Variants in EXT1 observed in about 807,000 individuals in gnomAD.
EXT1 encodes the protein exostosin glycosyltransferase 1.
A neutral mutation model predicts 82.5 loss-of-function variants in EXT1; 20 were observed. The observed-to-expected ratio is 0.24, with a 90% CI of 0.17 to 0.35. The LOEUF (loss-of-function observed/expected upper bound fraction) is 0.35. Ranked by LOEUF, EXT1 falls within the 10% of genes least tolerant of loss-of-function variation. EXT1 has a pLI of 1.00. For synonymous variants in EXT1, 348 were observed against 350.8 expected, an observed-to-expected ratio of 0.99 and a Z score of 0.09; for missense variants, 757 against 936.5, an observed-to-expected ratio of 0.81 and a Z score of 2.50.
chr8:117,929,486 G>A (rs947929450), intron 1 of EXT1, among the ~76,000 whole-genome samples: 1 of 152,206 alleles, frequency 6.6e-6, no homozygotes, highest in African/African-American at 2.4e-5. Context: ...AGCCAGAAAG[G>A]CAGTTATTAG....
chr8:118,041,647 A>C (rs976470900), intron 1 of EXT1, among the ~76,000 whole-genome samples: 1 of 147,588 alleles, frequency 6.8e-6, no homozygotes, highest in African/African-American at 2.5e-5. Flanking sequence ...AACAAGAAAA[A>C]GAAAGAAAGA....
intron 1 of EXT1, among the ~76,000 whole-genome samples, chr8:117,904,636 T>C (rs1462311105): frequency 2.0e-5 from 3 of 152,202 alleles, no homozygotes; most frequent in Non-Finnish European, 2.9e-5. Flanking sequence ...ATTTACCCTC[T>C]TATAACTCAA....
At chr8:117,860,282 G>T (rs1156514565) in intron 1 of EXT1, among the ~76,000 whole-genome samples, 1 of 151,872 alleles carries the variant, frequency 6.6e-6, no homozygotes, top group Non-Finnish European at 1.5e-5. Flanking sequence ...TTCTCACTCA[G>T]AAGTGGGAGC....
intron 1 of EXT1, among the ~76,000 whole-genome samples, chr8:117,914,567 A>G (rs1309391199): frequency 1.3e-5 from 2 of 152,172 alleles, no homozygotes; most frequent in Non-Finnish European, 2.9e-5. Context: ...CTTCCTAGCA[A>G]GGAATATTAA....
intron 1 of EXT1, among the ~76,000 whole-genome samples, chr8:117,967,921 G>A (rs1814855659): frequency 6.6e-6 from 1 of 152,166 alleles, no homozygotes; most frequent in South Asian, 2.1e-4. Context: ...ATAGTTAATA[G>A]TATTGTATTC....
intron 1 of EXT1, 130 bp downstream of exon 1, chr8:118,109,955 G>C: frequency 6.8e-7 from 1 of 1,465,876 alleles, no homozygotes; most frequent in Non-Finnish European, 9.4e-7. Flanking sequence ...GATTTGCTCA[G>C]TTCCAGGCTC....
At chr8:117,952,950 G>A (rs987354193) in intron 1 of EXT1, among the ~76,000 whole-genome samples, 9 of 152,186 alleles carry the variant, frequency 5.9e-5, no homozygotes, top group African/African-American at 2.2e-4. Context: ...GCCATATTTT[G>A]TAAATGACTG....
At chr8:117,946,280 T>G (rs10955842) in intron 1 of EXT1, among the ~76,000 whole-genome samples, 18,398 of 152,234 alleles carry the variant, frequency 0.12, 1,868 homozygotes, top group African/African-American at 0.27. Context: ...CATTTTAATC[T>G]GCATTTGCTA....
chr8:117,901,325 T>C (rs1563595680), intron 1 of EXT1, among the ~76,000 whole-genome samples: 1 of 152,222 alleles, frequency 6.6e-6, no homozygotes, highest in East Asian at 1.9e-4. Flanking sequence ...TGGTAAGTAT[T>C]TGTGTATCAA....
chr8:117,973,226 G>A (rs4876781), intron 1 of EXT1, among the ~76,000 whole-genome samples: 113,919 of 152,056 alleles, frequency 0.75, 44,059 homozygotes, highest in African/African-American at 0.94. Context: ...ATGGTAGCAC[G>A]TGATACAAGA....
At chr8:118,063,506 C>A (rs930805708) in intron 1 of EXT1, among the ~76,000 whole-genome samples, 1 of 152,248 alleles carries the variant, frequency 6.6e-6, no homozygotes, top group Non-Finnish European at 1.5e-5. Flanking sequence ...ACCATGACAA[C>A]TGATGGGACC....
In EXT1 at chr8:118,110,916, T is replaced by C. The variant is rs1586280182; in HGVS notation, c.131A>G (p.Asn44Ser). The change falls in exon 1 of 11, where the codon AAT becomes AGT. Residue 44 changes from asparagine (N) to serine (S), a missense_variant. This residue lies in a region of EXT1 where 175 missense variants were observed against 159.0 expected (regional missense o/e 1.10). Coordinates refer to ENST00000378204, the MANE Select transcript of EXT1 (RefSeq NM_000127.3). ...HSRREEHSGR[N>S]GLHHPSPDHF... ...ATCCGGACTGGGGTGGTGCAAGCCA[T>C]TCCTACCGCTGTGTTCTTCTCTCCG... is the stretch of plus-strand genomic sequence containing the variant. 5 of 1,614,026 alleles carry C rather than the reference T, an allele frequency of 3.1e-6. No homozygotes were observed. The highest frequency in any genetic ancestry group is 1.7e-4 in the Middle Eastern group (1 of 6,044).
At chr8:118,071,665 C>T (rs1237871557) in intron 1 of EXT1, among the ~76,000 whole-genome samples, 1 of 152,096 alleles carries the variant, frequency 6.6e-6, no homozygotes, top group African/African-American at 2.4e-5. Flanking sequence ...CTCTCCTCTC[C>T]CATCCTTCTA....
In EXT1 at chr8:117,818,536, A is replaced by G. The variant is rs1370449838; in HGVS notation, c.1537-6T>C. On this transcript the variant is annotated splice_polypyrimidine_tract_variant and splice_region_variant and intron_variant, in intron 6 of 10. Transcript: ENST00000378204. ...CAATTCCATAGAACTATGATCTGAA[A>G]GGGATGGGGCTCATTAGATGGCTGG... 1 of 1,611,750 alleles carries G rather than the reference A, an allele frequency of 6.2e-7. No homozygotes were observed. Among genetic ancestry groups the G allele is most frequent in the Admixed American group, 1.7e-5 (1 of 59,980 alleles).
chr8:118,049,339 A>G (rs1271381953), intron 1 of EXT1, among the ~76,000 whole-genome samples: 1 of 152,224 alleles, frequency 6.6e-6, no homozygotes, highest in Non-Finnish European at 1.5e-5. Context: ...ACCTAAATGT[A>G]ACCTATAAGT....
intron 1 of EXT1, among the ~76,000 whole-genome samples, chr8:117,878,808 A>G (rs931440422): frequency 6.6e-6 from 1 of 152,228 alleles, no homozygotes; most frequent in African/African-American, 2.4e-5. Flanking sequence ...CAACAGTATG[A>G]TGAGGATGTC....
At chr8:117,820,324 A>G (rs1312768512) in intron 5 of EXT1, among the ~76,000 whole-genome samples, 1 of 152,078 alleles carries the variant, frequency 6.6e-6, no homozygotes, top group South Asian at 2.1e-4. Flanking sequence ...AGATTACTTA[A>G]CCCTCTGTGT....
At chr8:117,817,149 C>A (rs1040519236) in intron 7 of EXT1, among the ~76,000 whole-genome samples, 2 of 152,178 alleles carry the variant, frequency 1.3e-5, no homozygotes, top group African/African-American at 4.8e-5. Flanking sequence ...CTTATGAGAG[C>A]CATGGCTATA....
intron 1 of EXT1, among the ~76,000 whole-genome samples, chr8:118,109,043 G>A (rs553409924): frequency 1.3e-5 from 2 of 152,094 alleles, no homozygotes; most frequent in African/African-American, 2.4e-5. Flanking sequence ...GAGTCTGGGC[G>A]GCAACCCCAC....
Sources: allele counts gnomAD v4.1 joint callset (sites outside exome capture counted in the v4.1 genomes callset), GRCh38; gene constraint gnomAD v4.1.1; regional missense constraint gnomAD v4.1.1; transcripts MANE v1.5; gene names NCBI Gene and HGNC (gene_info 2026-07-23, HGNC 2026-07-21).